Variants in CDH26 observed in about 807,000 individuals in gnomAD.
CDH26 encodes the protein cadherin-like protein 26.
In CDH26, 83 loss-of-function variants were observed where a neutral mutation model predicts 90.3. The ratio of observed to expected loss-of-function variants is 0.92; its 90% CI spans 0.77 to 1.10. The LOEUF (loss-of-function observed/expected upper bound fraction) is 1.10. CDH26 is among the 50% of genes least tolerant of loss of function. CDH26 has a pLI of 0.00. For synonymous variants in CDH26, 397 were observed against 396.3 expected (o/e 1.00, Z -0.02); for missense variants, 1,013 against 1,037.6 (o/e 0.98, Z 0.33).
chr20:60,019,485 C>T (rs948816628), downstream of CDH26, among the ~76,000 whole-genome samples: 6 of 152,078 alleles, frequency 3.9e-5, no homozygotes, highest in African/African-American at 1.4e-4. Flanking sequence ...ATTGTTGAAA[C>T]TCTCAATTAT....
intron 7 of CDH26, among the ~76,000 whole-genome samples, chr20:60,020,982 T>A (rs1214144786): frequency 6.6e-6 from 1 of 152,170 alleles, no homozygotes; most frequent in Non-Finnish European, 1.5e-5. Flanking sequence ...GGAGATGGGG[T>A]GCAGATGCAC....
Position 60,030,376 on chromosome 20 carries a change from G to T in CDH26, c.948-855G>T, listed in dbSNP as rs2062030902. ...GTCTGTTGGTGTTTTAAGTATCTGG[G>T]TTTTTTTTTGTTTGCTTTTTTTTGT... On this transcript the variant is annotated intron_variant, in intron 7 of 8. Coordinates refer to the CDH26 transcript ENST00000370991. The surrounding 1 kb of genome is among the most constrained non-coding windows in gnomAD (Gnocchi z 4.0). Among the ~76,000 whole-genome samples, 1 of 151,470 alleles carries T rather than the reference G, an allele frequency of 6.6e-6. No individual in the cohort carries two copies. Among genetic ancestry groups the T allele is most frequent in the South Asian group, 2.1e-4 (1 of 4,768 alleles).
At chr20:59,976,657 C>T (rs1435078729) in intron 4 of CDH26, among the ~76,000 whole-genome samples, 1 of 152,114 alleles carries the variant, frequency 6.6e-6, no homozygotes, top group Non-Finnish European at 1.5e-5. Context: ...AAAATGTATG[C>T]TGGAGTCCCT....
At position 59,987,465 on chromosome 20, in the gene CDH26, A is replaced by AT. The variant is rs779377824; in HGVS notation, c.852dup (p.Pro285SerfsTer2). 6.2e-7 allele frequency: 1 copy of AT among 1,611,580 alleles called. No homozygotes were observed. On this transcript the variant is annotated frameshift_variant, in exon 8 of 18. Transcript: ENST00000348616. LOFTEE classifies it high-confidence loss of function. ...TTGCTTCTTTCAGTATAAGGTTCAG[A>AT]TTCCTGAAGGCCGAGCCAGCCAGGG...
At chr20:60,024,247 G>A (rs1427714078) in intron 7 of CDH26, among the ~76,000 whole-genome samples, 2 of 152,196 alleles carry the variant, frequency 1.3e-5, no homozygotes. Context: ...GTAGCCTCAG[G>A]AAGGGCATAC....
chr20:59,975,643 C>T (rs564561027), intron 4 of CDH26, among the ~76,000 whole-genome samples: 17 of 152,286 alleles, frequency 1.1e-4, no homozygotes, highest in Admixed American at 2.6e-4. Flanking sequence ...TAAATTAGGA[C>T]GTGTCCTAAA....
chr20:60,016,182 A>T (rs945186419), downstream of CDH26, among the ~76,000 whole-genome samples: 1 of 152,124 alleles, frequency 6.6e-6, no homozygotes, highest in African/African-American at 2.4e-5. Context: ...TTTGATAGGG[A>T]TTGCATTGAA....
intron 1 of CDH26, among the ~76,000 whole-genome samples, chr20:59,967,959 CT>C (rs1569024747): frequency 1.4e-4 from 3 of 21,358 alleles, no homozygotes; most frequent in African/African-American, 4.3e-4. Flanking sequence ...TTCTTTCTAT[CT>C]TTCTTTCTTT....
intron 7 of CDH26, among the ~76,000 whole-genome samples, chr20:60,027,690 C>T (rs57003339): frequency 0.01 from 1,528 of 152,242 alleles, 19 homozygotes; most frequent in African/African-American, 0.036. Context: ...TATTGCTGGC[C>T]GACAGCAGGA....
intron 7 of CDH26, among the ~76,000 whole-genome samples, chr20:60,023,972 A>G (rs1230262969): frequency 1.7e-5 from 2 of 121,154 alleles, no homozygotes; most frequent in Admixed American, 1.6e-4. Flanking sequence ...AGAGAGAGAG[A>G]GAGAGAGAGA....
At chr20:60,028,461 G>A (rs1438376933) in intron 7 of CDH26, among the ~76,000 whole-genome samples, 3 of 152,220 alleles carry the variant, frequency 2.0e-5, no homozygotes, top group Admixed American at 6.5e-5. Flanking sequence ...TTGATTTAGC[G>A]AGAGGCAATC....
At chr20:59,968,395 C>A (rs1332431759) in intron 1 of CDH26, among the ~76,000 whole-genome samples, 2 of 152,096 alleles carry the variant, frequency 1.3e-5, no homozygotes, top group Non-Finnish European at 2.9e-5. Context: ...CCGCTCCTGG[C>A]TGACTTATCT....
intron 7 of CDH26, among the ~76,000 whole-genome samples, chr20:59,987,101 A>C (rs2061468584): frequency 6.6e-6 from 1 of 152,226 alleles, no homozygotes; most frequent in African/African-American, 2.4e-5. Flanking sequence ...GGGAAGAGCT[A>C]GGATTTTTAG....
rs2061601932 is a variant in CDH26 at position 59,996,696 on chromosome 20, T to A, written c.1954T>A (p.Ser652Thr). 6.2e-7 allele frequency: 1 copy of A among 1,614,120 alleles called. No individual in the cohort carries two copies. Among genetic ancestry groups the A allele is most frequent in the African/African-American group, 1.3e-5 (1 of 74,944 alleles). ...ACCTAAGAGGCATGGATGCTCTGTA[T>A]CCAATGATGAAGGCCACCAAACACT... Reference protein sequence around the residue: ...LEPKRHGCSVSNDEGHQTLVM... With the variant: ...LEPKRHGCSVTNDEGHQTLVM... The change falls in exon 13 of 18, where the codon TCC becomes ACC. Residue 652 changes from serine (S) to threonine (T), a missense_variant. Transcript: ENST00000348616.
At chr20:60,028,172 C>T (rs1480974115) in intron 7 of CDH26, among the ~76,000 whole-genome samples, 1 of 152,180 alleles carries the variant, frequency 6.6e-6, no homozygotes, top group Non-Finnish European at 1.5e-5. Context: ...CCCCCAGGAC[C>T]TCCAGGCTGC....
rs1298318723 is a variant in CDH26 at position 59,996,677 on chromosome 20, G to A, written c.1935G>A (p.Lys645=). ...LLRCYFVLEP[K]RHGCSVSNDE... ...GATGCTATTTTGTGCTTGAACCTAA[G>A]AGGCATGGATGCTCTGTATCCAATG... The change falls in exon 13 of 18, where the codon AAG becomes AAA. Residue 645 remains lysine (K), a synonymous_variant. Transcript: ENST00000348616. 1 of 1,614,208 alleles carries A rather than the reference G, an allele frequency of 6.2e-7. No individual in the cohort carries two copies. The highest frequency in any genetic ancestry group is 1.7e-5 in the Admixed American group (1 of 60,028).
intron 8 of CDH26, among the ~76,000 whole-genome samples, chr20:59,988,125 G>C (rs2061481406): frequency 6.6e-6 from 1 of 152,184 alleles, no homozygotes; most frequent in Admixed American, 6.5e-5. Flanking sequence ...AGCTGGCCTG[G>C]AAGAAAGTAT....
Position 60,006,874 on chromosome 20 carries a change from C to T in CDH26, c.2295+87C>T. 3.1e-6 allele frequency: 3 copies of T among 957,164 alleles called. No homozygotes were observed. The Admixed American group carries it at 5.3e-5, about 17-fold the overall frequency. The allele number at this position is 957,164 out of a possible 1,614,324, so 59.3% of individuals were successfully genotyped here. On this transcript the variant is annotated intron_variant, in intron 17 of 17. Transcript: ENST00000348616. ...AGGCTTGATTTGGGGACACTTCCTC[C>T]TAAATCACTGCATTAGTCAGCTAAG...
At chr20:59,989,210 C>G in intron 9 of CDH26, 47 bp downstream of exon 9, 2 of 1,605,348 alleles carry the variant, frequency 1.2e-6, no homozygotes, top group East Asian at 4.5e-5. Context: ...TGGAAATAGC[C>G]ACATAACCAA....
Sources: allele counts gnomAD v4.1 joint callset (sites outside exome capture counted in the v4.1 genomes callset), GRCh38; gene constraint gnomAD v4.1.1; non-coding constraint Gnocchi (gnomAD v3.1); transcripts MANE v1.5; gene names NCBI Gene and HGNC (gene_info 2026-07-23, HGNC 2026-07-21).